Variants in FSTL4 observed in about 807,000 individuals in gnomAD.
The protein encoded by FSTL4 is follistatin-related protein 4.
FSTL4 carries 28 observed loss-of-function variants against 78.2 expected under a neutral mutation model. That is an observed-to-expected ratio of 0.36 (90% confidence interval 0.27 to 0.49). FSTL4 has a LOEUF of 0.49. Ranked by LOEUF, FSTL4 falls within the 20% of genes least tolerant of loss-of-function variation. The pLI, the probability that FSTL4 is intolerant of heterozygous loss-of-function variation, is 0.98. For missense variants in FSTL4, 922 were observed against 1,084.9 expected (o/e 0.85, Z 2.11); for synonymous variants, 422 against 440.5 (o/e 0.96, Z 0.53).
At chr5:133,410,120 C>A (rs1221656201) in intron 3 of FSTL4, among the ~76,000 whole-genome samples, 1 of 152,174 alleles carries the variant, frequency 6.6e-6, no homozygotes, top group African/African-American at 2.4e-5. Flanking sequence ...ATTTTGGAGA[C>A]CTTCTTGGGA....
chr5:133,554,365 T>A (rs1759745624), intron 3 of FSTL4, among the ~76,000 whole-genome samples: 1 of 152,218 alleles, frequency 6.6e-6, no homozygotes, highest in Admixed American at 6.5e-5. Context: ...TCGCTATATT[T>A]CAAATGTCTC....
chr5:133,330,617 G>T (rs1754323009), intron 4 of FSTL4, among the ~76,000 whole-genome samples: 1 of 152,074 alleles, frequency 6.6e-6, no homozygotes, highest in African/African-American at 2.4e-5. Flanking sequence ...AGATTTCAGG[G>T]TACAAATATC....
chr5:133,557,912 A>G (rs1317671731), intron 3 of FSTL4, among the ~76,000 whole-genome samples: 1 of 152,180 alleles, frequency 6.6e-6, no homozygotes, highest in African/African-American at 2.4e-5. Context: ...GTCAAAGGGG[A>G]CCCTCTGCTG....
chr5:133,699,880 CAA>C, the FSTL4 span, among the ~76,000 whole-genome samples: 4 of 62,468 alleles, frequency 6.4e-5, no homozygotes, highest in East Asian at 5.2e-4. Flanking sequence ...GACTCCATCT[CAA>C]AAAAAAAAAA....
At chr5:133,291,178 G>A (rs891869058) in intron 6 of FSTL4, among the ~76,000 whole-genome samples, 1 of 152,188 alleles carries the variant, frequency 6.6e-6, no homozygotes, top group African/African-American at 2.4e-5. Flanking sequence ...GAGTTTGGGG[G>A]AAGAGCGGGC....
At chr5:133,765,411 C>T in the FSTL4 span, among the ~76,000 whole-genome samples, 1 of 152,184 alleles carries the variant, frequency 6.6e-6, no homozygotes. Context: ...TGAAGGCACC[C>T]ACCATGGAGG....
chr5:133,323,099 G>A (rs1382583881), intron 4 of FSTL4, among the ~76,000 whole-genome samples: 1 of 152,060 alleles, frequency 6.6e-6, no homozygotes, highest in African/African-American at 2.4e-5. Context: ...GTCTTCAGGG[G>A]GACACAGACT....
intron 3 of FSTL4, among the ~76,000 whole-genome samples, chr5:133,466,996 G>A (rs961114468): frequency 6.6e-6 from 1 of 151,806 alleles, no homozygotes; most frequent in African/African-American, 2.4e-5. Flanking sequence ...ATGTATATGT[G>A]ACAGTGTATG....
chr5:133,478,278 C>T (rs1455947822), intron 3 of FSTL4, among the ~76,000 whole-genome samples: 1 of 152,188 alleles, frequency 6.6e-6, no homozygotes, highest in Non-Finnish European at 1.5e-5. Flanking sequence ...CTACCTTCAT[C>T]TTCACGATTT....
the FSTL4 span, among the ~76,000 whole-genome samples, chr5:133,835,346 C>G: frequency 5.3e-5 from 8 of 152,174 alleles, no homozygotes; most frequent in African/African-American, 1.9e-4. Context: ...CATGTGTGTT[C>G]TGTGTGTGAG....
intron 3 of FSTL4, among the ~76,000 whole-genome samples, chr5:133,409,243 T>G (rs1488561733): frequency 6.6e-6 from 1 of 152,022 alleles, no homozygotes; most frequent in Non-Finnish European, 1.5e-5. Context: ...AAGGGCAGTG[T>G]CAGGTAGTCA....
the FSTL4 span, among the ~76,000 whole-genome samples, chr5:133,785,211 A>G: frequency 6.6e-6 from 1 of 152,170 alleles, no homozygotes; most frequent in African/African-American, 2.4e-5. Flanking sequence ...AGCAGGCACC[A>G]CAGCCCCTGT....
At chr5:133,437,221 T>C (rs1316855494) in intron 3 of FSTL4, among the ~76,000 whole-genome samples, 5 of 152,186 alleles carry the variant, frequency 3.3e-5, no homozygotes, top group Admixed American at 3.3e-4. Flanking sequence ...TAGTTGCCGG[T>C]GAGGCACTCA....
At chr5:133,604,888 A>T (rs1409405056) in intron 1 of FSTL4, among the ~76,000 whole-genome samples, 4 of 152,154 alleles carry the variant, frequency 2.6e-5, no homozygotes, top group Admixed American at 2.6e-4. Context: ...AATTTCAATA[A>T]CCTTTGAGGT....
rs753315367 is a variant in FSTL4 at position 133,233,414 on chromosome 5, A to G, written c.1015+3T>C. On this transcript the variant is annotated splice_donor_region_variant and intron_variant, in intron 8 of 15. Coordinates refer to ENST00000265342, the MANE Select transcript of FSTL4 (RefSeq NM_015082.2). ...GACAACATGCATGGAGCCATTTACTAACCATTCACCTGCAGGACGTGGGTC... is the reference window on the plus strand; with the variant it reads ...GACAACATGCATGGAGCCATTTACTGACCATTCACCTGCAGGACGTGGGTC... 6.2e-7 allele frequency: 1 copy of G among 1,614,088 alleles called. No homozygotes were observed. The highest frequency in any genetic ancestry group is 1.3e-5 in the African/African-American group (1 of 75,070).
At chr5:133,832,460 G>C in the FSTL4 span, among the ~76,000 whole-genome samples, 1 of 152,182 alleles carries the variant, frequency 6.6e-6, no homozygotes, top group Non-Finnish European at 1.5e-5. Flanking sequence ...GGGAGGACCA[G>C]GTCTGTGTGG....
chr5:133,250,346 T>C (rs1290714330), intron 6 of FSTL4, among the ~76,000 whole-genome samples: 4 of 152,160 alleles, frequency 2.6e-5, no homozygotes, highest in African/African-American at 9.7e-5. Context: ...AATGACCAAA[T>C]GGGATCAGGC....
intron 7 of FSTL4, among the ~76,000 whole-genome samples, chr5:133,237,306 C>T (rs952422527): frequency 3.9e-5 from 6 of 152,164 alleles, no homozygotes; most frequent in Non-Finnish European, 8.8e-5. Flanking sequence ...ATGGAAAAGC[C>T]CATCGCGCAT....
chr5:133,677,666 T>C, the FSTL4 span, among the ~76,000 whole-genome samples: 19 of 152,354 alleles, frequency 1.2e-4, no homozygotes, highest in Middle Eastern at 3.4e-3. Context: ...CATTCAGATC[T>C]GTAACTTTGG....
Sources: allele counts gnomAD v4.1 joint callset (sites outside exome capture counted in the v4.1 genomes callset), GRCh38; gene constraint gnomAD v4.1.1; transcripts MANE v1.5; gene names NCBI Gene and HGNC (gene_info 2026-07-23, HGNC 2026-07-21).